Variants in MCF2 observed in about 807,000 individuals in gnomAD.
The protein encoded by MCF2 is proto-oncogene DBL.
Under a neutral mutation model 82.5 loss-of-function variants are expected in MCF2, and 44 were observed. The ratio of observed to expected loss-of-function variants is 0.53; its 90% CI spans 0.42 to 0.69. The LOEUF is 0.69. Among genes scored for constraint, MCF2 ranks in the 30% least tolerant of loss-of-function variants. The probability of loss-of-function intolerance (pLI) is 0.00; values close to 1 mark genes in which losing one functional copy is unlikely to be tolerated. For missense variants in MCF2, 623 were observed against 663.1 expected (o/e 0.94, Z 0.66); for synonymous variants, 217 against 224.9 (o/e 0.96, Z 0.32).
intron 12 of MCF2, among the ~76,000 whole-genome samples, chrX:139,606,657 C>T (rs1931048995): frequency 1.8e-5 from 2 of 111,948 alleles, no homozygotes; most frequent in Non-Finnish European, 3.8e-5. Flanking sequence ...CCACGCCCCA[C>T]CTGTTTCTGT....
chrX:139,626,699 G>T, exon 5 of MCF2: 1 of 1,206,246 alleles, frequency 8.3e-7, no homozygotes, highest in South Asian at 1.8e-5. Context: ...TCAGTGTCAG[G>T]CACTTCCAGA....
At chrX:139,591,746 C>G (rs558671567) in intron 19 of MCF2, among the ~76,000 whole-genome samples, 1 of 109,873 alleles carries the variant, frequency 9.1e-6, no homozygotes, top group African/African-American at 3.3e-5. Context: ...AGAGGAGGGA[C>G]GGAGGGAGAG....
intron 1 of MCF2, among the ~76,000 whole-genome samples, chrX:139,694,515 A>G (rs953152605): frequency 5.4e-5 from 6 of 111,479 alleles, no homozygotes; most frequent in Admixed American, 1.9e-4. Context: ...TTATAGATCA[A>G]TAGAATAGAA....
chrX:139,643,695 A>G (rs1164113752), upstream of MCF2, among the ~76,000 whole-genome samples: 3 of 110,961 alleles, frequency 2.7e-5, no homozygotes, highest in Admixed American at 9.6e-5. Context: ...CCCTGGGAAT[A>G]CAGAAAGAGG....
intron 11 of MCF2, among the ~76,000 whole-genome samples, chrX:139,609,404 C>T (rs753649672): frequency 9.0e-6 from 1 of 110,918 alleles, no homozygotes; most frequent in Non-Finnish European, 1.9e-5. Context: ...AAAATATTAG[C>T]CTGGCATAAT....
At chrX:139,630,258 T>C (rs192169238) in intron 3 of MCF2, among the ~76,000 whole-genome samples, 1 of 111,681 alleles carries the variant, frequency 9.0e-6, no homozygotes, top group Admixed American at 9.5e-5. Flanking sequence ...GTAAAGTCAC[T>C]TTATATTTGT....
intron 4 of MCF2, among the ~76,000 whole-genome samples, chrX:139,629,244 G>A (rs1289379600): frequency 9.0e-6 from 1 of 111,493 alleles, no homozygotes; most frequent in Non-Finnish European, 1.9e-5. Context: ...TATACTGTAG[G>A]CAGTTGTAGG....
chrX:139,707,380 C>A (rs1441350662), intron 1 of MCF2, among the ~76,000 whole-genome samples: 1 of 110,772 alleles, frequency 9.0e-6, no homozygotes, highest in Non-Finnish European at 1.9e-5. Flanking sequence ...CACTAGAGAC[C>A]CTGCTTTAAA....
At chrX:139,643,735 C>T (rs994521393), upstream of MCF2, among the ~76,000 whole-genome samples, 1 of 110,647 alleles carries the variant, frequency 9.0e-6, no homozygotes, top group African/African-American at 3.3e-5. Context: ...CAAGTAATTA[C>T]CCTCTGTTGA....
At chrX:139,639,655 C>T (rs1933447074) in intron 1 of MCF2, among the ~76,000 whole-genome samples, 1 of 111,661 alleles carries the variant, frequency 9.0e-6, no homozygotes, top group Non-Finnish European at 1.9e-5. Flanking sequence ...CAGGCGTAAA[C>T]CAAATACATC....
chrX:139,686,594 C>A (rs1935130277), intron 1 of MCF2, among the ~76,000 whole-genome samples: 1 of 111,291 alleles, frequency 9.0e-6, no homozygotes, highest in Non-Finnish European at 1.9e-5. Flanking sequence ...TAAACCTACG[C>A]CTCCTGCAGG....
At chrX:139,609,382 A>G (rs1411200224) in intron 11 of MCF2, among the ~76,000 whole-genome samples, 1 of 111,573 alleles carries the variant, frequency 9.0e-6, no homozygotes, top group Non-Finnish European at 1.9e-5. Flanking sequence ...CTGTCTATCA[A>G]AAAAAGTGTT....
chrX:139,617,727 A>G (rs773068733), intron 7 of MCF2, 23 bp from the exon 11 acceptor site: 1 of 991,103 alleles, frequency 1.0e-6, no homozygotes, highest in Non-Finnish European at 1.4e-6. Flanking sequence ...AAGACAAAAA[A>G]TAATGAATAC....
intron 1 of MCF2, among the ~76,000 whole-genome samples, chrX:139,674,898 GA>G (rs1169301883): frequency 1.8e-5 from 2 of 112,031 alleles, no homozygotes; most frequent in African/African-American, 6.5e-5. Flanking sequence ...AGTTCTCCTG[GA>G]TAATATCCCG....
intron 16 of MCF2, among the ~76,000 whole-genome samples, chrX:139,599,276 C>T (rs1201832031): frequency 9.3e-6 from 1 of 107,000 alleles, no homozygotes; most frequent in Admixed American, 9.9e-5. Flanking sequence ...GCAAAAACCA[C>T]AGTAACTTTT....
At chrX:139,675,985 G>A (rs1009576988) in intron 1 of MCF2, among the ~76,000 whole-genome samples, 2 of 112,789 alleles carry the variant, frequency 1.8e-5, no homozygotes. Context: ...TGCCCAGTTT[G>A]AGCTTTCCTG....
Position 139,629,971 on chromosome X carries a change from T to G in MCF2, c.289-127A>C, listed in dbSNP as rs9887411. 1,569 of 431,829 alleles carry G rather than the reference T, an allele frequency of 3.6e-3. 19 individuals are homozygous for G. Among genetic ancestry groups the G allele is most frequent in the African/African-American group, 0.036 (1,429 of 40,043 alleles). The allele number at this position is 431,829 out of a possible 1,213,427, so 35.6% of individuals were successfully genotyped here. ...AACACATATACTATGAACTCTCCTC[T>G]GCTAGAGAAATATGGCATTGCTCTT... On this transcript the variant is annotated intron_variant, in intron 3 of 24. Coordinates refer to ENST00000370576, the Ensembl canonical transcript of MCF2.
intron 15 of MCF2, among the ~76,000 whole-genome samples, chrX:139,603,985 G>T (rs1930770986): frequency 1.8e-5 from 2 of 112,044 alleles, no homozygotes; most frequent in Non-Finnish European, 3.8e-5. Context: ...CACCTCTATT[G>T]AATTAACTCT....
chrX:139,702,819 G>A, intron 1 of MCF2, among the ~76,000 whole-genome samples: 1 of 112,362 alleles, frequency 8.9e-6, no homozygotes, highest in African/African-American at 3.2e-5. Context: ...TAGCTGATGT[G>A]GTAGACACTG....
Sources: allele counts gnomAD v4.1 joint callset (sites outside exome capture counted in the v4.1 genomes callset), GRCh38; gene constraint gnomAD v4.1.1; transcripts MANE v1.5; gene names NCBI Gene and HGNC (gene_info 2026-07-23, HGNC 2026-07-21).